The following PUDP variants were observed in gnomAD, a reference collection of about 807,000 sequenced individuals.
The protein encoded by PUDP is pseudouridine-5'-phosphatase.
Under a neutral mutation model 9.4 loss-of-function variants are expected in PUDP, and 8 were observed. The observed-to-expected ratio is 0.85, with a 90% confidence interval of 0.50 to 1.53. The LOEUF (loss-of-function observed/expected upper bound fraction) is 1.53, where lower values mean the gene tolerates loss of function less well. Among genes scored for constraint, PUDP ranks in the 40% most tolerant of loss-of-function variants. The pLI is 0.00. For missense variants in PUDP, 188 were observed against 189.7 expected, an observed-to-expected ratio of 0.99 and a Z score of 0.05; for synonymous variants, 99 against 80.7, an observed-to-expected ratio of 1.23 and a Z score of -1.22.
chrX:7,056,326 A>C (rs1930241805), intron 3 of PUDP, among the ~76,000 whole-genome samples: 2 of 111,622 alleles, frequency 1.8e-5, no homozygotes, highest in East Asian at 5.7e-4. Flanking sequence ...CTGCACCTTC[A>C]GTGAAGCCGG....
intron 1 of PUDP, among the ~76,000 whole-genome samples, chrX:7,133,426 A>G (rs1932669362): frequency 1.8e-5 from 2 of 112,313 alleles, no homozygotes; most frequent in Non-Finnish European, 3.8e-5. Flanking sequence ...AAGCCAGAAG[A>G]GGAACTATCC....
intron 3 of PUDP, among the ~76,000 whole-genome samples, chrX:6,792,516 T>A (rs1925765535): frequency 9.1e-6 from 1 of 109,870 alleles, no homozygotes; most frequent in Non-Finnish European, 1.9e-5. Flanking sequence ...CATGACTCAT[T>A]CCAAAGGGGT....
At chrX:6,993,054 G>C (rs1333823960) in intron 1 of PUDP, among the ~76,000 whole-genome samples, 1 of 111,923 alleles carries the variant, frequency 8.9e-6, no homozygotes. Flanking sequence ...ACAGACTGAA[G>C]GCTGCACTAT....
At chrX:6,739,049 AATTAGCAGTTTTTGAGAGTGATGAG>A (rs1924906298) in intron 3 of PUDP, among the ~76,000 whole-genome samples, 1 of 111,485 alleles carries the variant, frequency 9.0e-6, no homozygotes, top group South Asian at 3.8e-4. Context: ...TGAGGGGGAC[AATTAGCAGTTTTTGAGAGTGATGAG>A]AACAACTATT....
intron 1 of PUDP, among the ~76,000 whole-genome samples, chrX:7,119,416 G>A (rs1012799951): frequency 1.8e-5 from 2 of 112,510 alleles, no homozygotes; most frequent in South Asian, 3.7e-4. Flanking sequence ...GTGCTTTCTC[G>A]TGTTTAGGAA....
chrX:7,136,367 C>G (rs1932742089), intron 1 of PUDP, among the ~76,000 whole-genome samples: 1 of 112,007 alleles, frequency 8.9e-6, no homozygotes, highest in Non-Finnish European at 1.9e-5. Context: ...TCTGAAGGCC[C>G]GTTTGCCTCT....
intron 3 of PUDP, among the ~76,000 whole-genome samples, chrX:6,855,375 A>G (rs754245121): frequency 2.7e-5 from 3 of 111,771 alleles, no homozygotes; most frequent in Non-Finnish European, 5.6e-5. Context: ...TTAAGTTTTT[A>G]AGGAGCCAAA....
At chrX:7,001,623 C>T (rs779918781) in intron 1 of PUDP, among the ~76,000 whole-genome samples, 2 of 111,520 alleles carry the variant, frequency 1.8e-5, no homozygotes, top group East Asian at 2.8e-4. Flanking sequence ...CATGAACAGA[C>T]GCATTGACCA....
At chrX:7,002,762 T>C (rs1929344087) in intron 1 of PUDP, among the ~76,000 whole-genome samples, 3 of 110,822 alleles carry the variant, frequency 2.7e-5, no homozygotes, top group Admixed American at 9.5e-5. Flanking sequence ...CTAAATTAGA[T>C]GGAACTCATC....
rs777210077 is a variant in PUDP at position 6,801,404 on chromosome X, T to C, written c.*248-94938A>G. ...AACTACGTGAAATACAGTGTTGCTC[T>C]GTCACTTACAGAACCAATGACCGCC... On this transcript the variant is annotated intron_variant and NMD_transcript_variant, in intron 3 of 3. Transcript: ENST00000655425. Among the ~76,000 whole-genome samples, 20 of 112,327 alleles carry C rather than the reference T, an allele frequency of 1.8e-4. No homozygotes were observed. In the South Asian group the frequency reaches 7.1e-3, roughly 40 times the overall value.
chrX:7,010,519 T>C (rs983487363), intron 1 of PUDP, among the ~76,000 whole-genome samples: 1 of 112,104 alleles, frequency 8.9e-6, no homozygotes, highest in Middle Eastern at 4.6e-3. Flanking sequence ...GAGCCTCTTA[T>C]GGGAGACACA....
chrX:6,998,491 C>T (rs766679930), intron 1 of PUDP, among the ~76,000 whole-genome samples: 1 of 110,241 alleles, frequency 9.1e-6, no homozygotes, highest in Admixed American at 9.7e-5. Context: ...GGGCAATTGA[C>T]TGTCAGGGCA....
chrX:6,714,949 A>C (rs1209493151), intron 1 of PUDP, among the ~76,000 whole-genome samples: 1 of 107,134 alleles, frequency 9.3e-6, no homozygotes, highest in Admixed American at 1.0e-4. Flanking sequence ...TCTGCAGGAG[A>C]TAGATATAGA....
intron 3 of PUDP, among the ~76,000 whole-genome samples, chrX:6,897,822 G>A (rs770445278): frequency 3.9e-4 from 43 of 110,983 alleles, no homozygotes; most frequent in African/African-American, 6.9e-4. Context: ...ACCTCCCAAC[G>A]GCTCCACTTC....
chrX:6,837,627 C>T (rs768975106), intron 3 of PUDP, among the ~76,000 whole-genome samples: 4 of 112,547 alleles, frequency 3.6e-5, no homozygotes, highest in African/African-American at 9.7e-5. Context: ...CCGCATTCCA[C>T]GTGTTTAGGT....
intron 1 of PUDP, among the ~76,000 whole-genome samples, chrX:6,980,098 TTTCC>T (rs745385509): frequency 1.3e-3 from 142 of 107,646 alleles, no homozygotes; most frequent in Non-Finnish European, 1.5e-3. Context: ...CTTCTTCTTC[TTTCC>T]TTCCTTCCTT....
In PUDP at chrX:6,955,103, G is replaced by A. The variant is rs1433571629; in HGVS notation, c.*247+22030C>T. Among the ~76,000 whole-genome samples the A allele has an allele frequency of 3.6e-5, 4 of 112,290 alleles. No individual in the cohort carries two copies. The East Asian group carries it at 1.1e-3, about 31-fold the overall frequency. ...TCCTACCAGGCTTGACATTCCAAGG[G>A]CTTTGGGATCACCTCCCTGGGCAGA... On this transcript the variant is annotated intron_variant and NMD_transcript_variant, in intron 3 of 3. Coordinates refer to the PUDP transcript ENST00000655425.
chrX:6,883,686 C>T (rs946695750), intron 3 of PUDP, among the ~76,000 whole-genome samples: 7 of 110,933 alleles, frequency 6.3e-5, no homozygotes, highest in Non-Finnish European at 1.1e-4. Context: ...TAAAAATGAA[C>T]AAGTGAAAAA....
chrX:6,877,536 T>A (rs762785536), intron 3 of PUDP, among the ~76,000 whole-genome samples: 2 of 111,243 alleles, frequency 1.8e-5, no homozygotes, highest in Non-Finnish European at 3.8e-5. Context: ...ACAAGCACTC[T>A]CAGCAGATCT....
Sources: allele counts gnomAD v4.1 joint callset (sites outside exome capture counted in the v4.1 genomes callset), GRCh38; gene constraint gnomAD v4.1.1; transcripts MANE v1.5; gene names NCBI Gene and HGNC (gene_info 2026-07-23, HGNC 2026-07-21).